The following NEK11 variants were observed in gnomAD, a reference collection of about 807,000 sequenced individuals.
NEK11 encodes the protein NIMA related kinase 11.
NEK11 carries 72 observed loss-of-function variants against 80.7 expected under a neutral mutation model. That is an observed-to-expected ratio of 0.89 (90% CI 0.74 to 1.08). NEK11 has a LOEUF of 1.08. NEK11 is among the 50% of genes least tolerant of loss of function. The pLI is 0.00. For synonymous variants in NEK11, 251 were observed against 260.7 expected, an observed-to-expected ratio of 0.96 and a Z score of 0.36; for missense variants, 764 against 763.6, an observed-to-expected ratio of 1.00 and a Z score of -0.01.
intron 17 of NEK11, among the ~76,000 whole-genome samples, chr3:131,315,750 CCT>C (rs979794042): frequency 2.6e-5 from 4 of 151,914 alleles, no homozygotes; most frequent in Non-Finnish European, 5.9e-5. Context: ...TTGTTCCACC[CCT>C]GTGTCCATGT....
chr3:131,254,883 T>C (rs2095776269), intron 16 of NEK11, among the ~76,000 whole-genome samples: 1 of 151,672 alleles, frequency 6.6e-6, no homozygotes, highest in Non-Finnish European at 1.5e-5. Context: ...AGCCAGGCAT[T>C]ATGGCGGGTG....
chr3:131,199,255 G>A (rs760144555), intron 14 of NEK11, among the ~76,000 whole-genome samples: 9 of 151,224 alleles, frequency 6.0e-5, no homozygotes, highest in Non-Finnish European at 1.3e-4. Flanking sequence ...CTTTAAATTA[G>A]GAAAAAAAGA....
chr3:131,139,304 G>A (rs574193410), intron 7 of NEK11, among the ~76,000 whole-genome samples: 2 of 139,898 alleles, frequency 1.4e-5, no homozygotes, highest in East Asian at 2.1e-4. Flanking sequence ...TAGTAAGCTC[G>A]AAGACAGGAT....
At chr3:131,075,433 C>A (rs907169500) in intron 3 of NEK11, among the ~76,000 whole-genome samples, 3 of 152,150 alleles carry the variant, frequency 2.0e-5, no homozygotes, top group African/African-American at 7.2e-5. Flanking sequence ...ACCAGCTATT[C>A]CTTTATGTAA....
intron 4 of NEK11, among the ~76,000 whole-genome samples, chr3:131,093,733 C>A (rs1435488603): frequency 6.6e-6 from 1 of 152,024 alleles, no homozygotes; most frequent in African/African-American, 2.4e-5. Context: ...CAAATAGTCA[C>A]CCTTGGAATA....
intron 4 of NEK11, among the ~76,000 whole-genome samples, chr3:131,100,741 A>G (rs2078246363): frequency 6.6e-6 from 1 of 152,116 alleles, no homozygotes; most frequent in Non-Finnish European, 1.5e-5. Flanking sequence ...GGTATTAGGC[A>G]GTTGCTGGCT....
intron 17 of NEK11, among the ~76,000 whole-genome samples, chr3:131,300,675 G>T (rs574977644): frequency 6.6e-6 from 1 of 152,284 alleles, no homozygotes; most frequent in Non-Finnish European, 1.5e-5. Flanking sequence ...CTTTGTCCAA[G>T]ATCGGATGGT....
chr3:131,119,913 G>A (rs2082064208), intron 5 of NEK11, among the ~76,000 whole-genome samples: 1 of 152,116 alleles, frequency 6.6e-6, no homozygotes, highest in African/African-American at 2.4e-5. Context: ...GCACACCGAT[G>A]GGTCTTGACT....
At chr3:131,184,915 T>C (rs1427221567) in intron 14 of NEK11, 10 of 280,780 alleles carry the variant, frequency 3.6e-5, no homozygotes, top group Non-Finnish European at 6.6e-5. Flanking sequence ...TATAGAATAG[T>C]ATTTAATTTA....
At chr3:131,215,291 A>AG (rs1561015400) in intron 14 of NEK11, among the ~76,000 whole-genome samples, 5 of 93,232 alleles carry the variant, frequency 5.4e-5, no homozygotes, top group African/African-American at 1.7e-4. Context: ...GGGGAGGGGG[A>AG]AGGGATAGCA....
At chr3:131,318,921 A>G (rs1485230526) in intron 17 of NEK11, among the ~76,000 whole-genome samples, 2 of 151,814 alleles carry the variant, frequency 1.3e-5, no homozygotes, top group Non-Finnish European at 2.9e-5. Flanking sequence ...TTTATTTTTG[A>G]CCCACCTTTC....
intron 17 of NEK11, among the ~76,000 whole-genome samples, chr3:131,293,070 A>G (rs1008266455): frequency 1.3e-5 from 2 of 152,008 alleles, no homozygotes; most frequent in South Asian, 2.1e-4. Context: ...CAATCTTTAT[A>G]TATTTATTTC....
intron 16 of NEK11, among the ~76,000 whole-genome samples, chr3:131,262,571 T>C (rs1277137899): frequency 6.6e-6 from 1 of 152,148 alleles, no homozygotes; most frequent in Non-Finnish European, 1.5e-5. Context: ...TATATAAAAA[T>C]GGCAAGAGAA....
chr3:131,243,780 G>A (rs1187667567), intron 16 of NEK11, among the ~76,000 whole-genome samples: 1 of 152,058 alleles, frequency 6.6e-6, no homozygotes, highest in Non-Finnish European at 1.5e-5. Context: ...ACAAGTTTGT[G>A]CAGTTTCTGG....
In NEK11 at chr3:131,073,638, G is replaced by GGC. The variant is rs377108591; in HGVS notation, c.171-6784_171-6783dup. Among the ~76,000 whole-genome samples, 357 of 152,234 alleles carry GGC rather than the reference G, an allele frequency of 2.3e-3. 1 individual carries two copies. Among genetic ancestry groups the GGC allele is most frequent in the African/African-American group, 8.1e-3 (336 of 41,540 alleles). ...TGCAGTTTCATTGTTGAATATTTGA[G>GGC]GCACTTTATTTTACTTTGTCTAGGA... is the stretch of plus-strand genomic sequence containing the variant. On this transcript the variant is annotated intron_variant, in intron 3 of 17. Transcript: ENST00000383366.
intron 3 of NEK11, among the ~76,000 whole-genome samples, chr3:131,044,819 A>AT (rs2067138186): frequency 6.6e-6 from 1 of 152,136 alleles, no homozygotes; most frequent in South Asian, 2.1e-4. Context: ...CAGAATATAC[A>AT]TTTTTCTCAG....
intron 17 of NEK11, among the ~76,000 whole-genome samples, chr3:131,318,857 T>A (rs1011028234): frequency 4.0e-5 from 6 of 151,756 alleles, no homozygotes; most frequent in Non-Finnish European, 8.8e-5. Flanking sequence ...ACTTAGGACA[T>A]TCTGGTGATG....
At chr3:131,283,975 T>C (rs539218398) in intron 17 of NEK11, among the ~76,000 whole-genome samples, 31 of 152,292 alleles carry the variant, frequency 2.0e-4, no homozygotes, top group African/African-American at 7.5e-4. Context: ...GAATTCTTCT[T>C]GAGAGTCTGT....
chr3:131,128,509 A>T (rs2083771756), intron 5 of NEK11, among the ~76,000 whole-genome samples: 1 of 152,212 alleles, frequency 6.6e-6, no homozygotes, highest in Non-Finnish European at 1.5e-5. Context: ...AGCACTAAAT[A>T]ATATTCTATT....
Sources: gnomAD v4.1 joint callset for allele counts (sites outside exome capture counted in the v4.1 genomes callset) on GRCh38, gnomAD v4.1.1 for gene constraint, MANE v1.5 for transcripts, NCBI Gene and HGNC (gene_info 2026-07-23, HGNC 2026-07-21) for gene names.